Variants in H2BC5 observed in about 807,000 individuals in gnomAD.
H2BC5 encodes histone H2B type 1-D.
In H2BC5, 9 loss-of-function variants were observed where a neutral mutation model predicts 5.7. That is an observed-to-expected ratio of 1.57 (90% CI 0.95 to 2.74). The LOEUF is 2.74. Among genes scored for constraint, H2BC5 ranks in the 30% most tolerant of loss-of-function variants. The probability of loss-of-function intolerance (pLI) is 0.00; values close to 1 mark genes in which losing one functional copy is unlikely to be tolerated. For synonymous variants in H2BC5, 133 were observed against 70.9 expected (o/e 1.88, Z -4.40); for missense variants, 175 against 168.8 (o/e 1.04, Z -0.20).
At chr6:26,164,108 C>A (rs1033071486) in intron 1 of H2BC5, 2 of 454,222 alleles carry the variant, frequency 4.4e-6, no homozygotes, top group African/African-American at 4.0e-5. Flanking sequence ...ATTCCAAAGT[C>A]TTGAAGACTT....
In H2BC5 at chr6:26,158,446, A is replaced by G. The variant is rs1342361187; in HGVS notation, c.277A>G (p.Arg93Gly). Reference protein sequence around the residue: ...HYNKRSTITSREIQTAVRLLL... With the variant: ...HYNKRSTITSGEIQTAVRLLL... Reference sequence around the variant, plus strand: ...CAACAAGCGCTCGACCATCACCTCCAGGGAGATCCAGACGGCCGTGCGCCT... The same window carrying G: ...CAACAAGCGCTCGACCATCACCTCCGGGGAGATCCAGACGGCCGTGCGCCT... Residue 93 changes from arginine (R) to glycine (G), a missense_variant, in exon 1 of 1, where the codon AGG becomes GGG. By Grantham distance (125) the Arg-to-Gly change is moderately radical. Transcript: ENST00000377777. The G allele has an allele frequency of 6.2e-7, 1 of 1,614,246 alleles. No individual in the cohort carries two copies.
chr6:26,161,970 C>A (rs1253011707), downstream of H2BC5, among the ~76,000 whole-genome samples: 1 of 151,940 alleles, frequency 6.6e-6, no homozygotes, highest in African/African-American at 2.4e-5. Context: ...AAAATTGAAA[C>A]CTAATGTATT....
chr6:26,164,855 TTC>T (rs890822453), intron 1 of H2BC5, among the ~76,000 whole-genome samples: 83 of 152,046 alleles, frequency 5.5e-4, no homozygotes, highest in African/African-American at 1.9e-3. Flanking sequence ...CATCACCATG[TTC>T]TCTCTCTGCT....
At chr6:26,158,893 G>A (rs1053917217), downstream of H2BC5, among the ~76,000 whole-genome samples, 1 of 152,174 alleles carries the variant, frequency 6.6e-6, no homozygotes, top group African/African-American at 2.4e-5. Context: ...TCCGGGACTC[G>A]GTGTGGTGAC....
At chr6:26,161,820 T>C (rs1162433023), downstream of H2BC5, among the ~76,000 whole-genome samples, 1 of 152,046 alleles carries the variant, frequency 6.6e-6, no homozygotes, top group African/African-American at 2.4e-5. Flanking sequence ...AGTAGTAAAA[T>C]ATGATCTGAC....
chr6:26,158,571 T>G lies in H2BC5; in HGVS notation c.*21T>G. 1 of 1,612,558 alleles carries G rather than the reference T, an allele frequency of 6.2e-7. No individual in the cohort carries two copies. The highest frequency in any genetic ancestry group is 8.5e-7 in the Non-Finnish European group (1 of 1,179,368). ...AGTAACTTTGCCAAGTAAGCATCTT[T>G]ACACCTAATCCCAAAGGCTCTTTTA... On this transcript the variant is annotated 3_prime_UTR_variant, in exon 1 of 1. Coordinates refer to ENST00000377777, the MANE Select transcript of H2BC5 (RefSeq NM_021063.4).
Position 26,158,177 on chromosome 6 carries a change from A to C in H2BC5, c.8A>C (p.Glu3Ala), listed in dbSNP as rs747172498. The C allele has an allele frequency of 6.2e-7, 1 of 1,613,802 alleles. No homozygotes were observed. The highest frequency in any genetic ancestry group is 8.5e-7 in the Non-Finnish European group (1 of 1,179,910). ...CTAACTATTAACGCTACGATGCCTG[A>C]ACCTACCAAGTCTGCTCCTGCCCCA... MP[E>A]PTKSAPAPKK... Residue 3 changes from glutamate to alanine, a missense_variant, in exon 1 of 1, where the codon GAA becomes GCA. Coordinates refer to ENST00000377777, the MANE Select transcript of H2BC5 (RefSeq NM_021063.4).
At chr6:26,168,948 T>C (rs1764479444) in intron 1 of H2BC5, among the ~76,000 whole-genome samples, 1 of 152,132 alleles carries the variant, frequency 6.6e-6, no homozygotes, top group Admixed American at 6.6e-5. Flanking sequence ...TTGGGCCTTT[T>C]TAAAGAAAAC....
chr6:26,158,463 C>A lies in H2BC5; in HGVS notation c.294C>A (p.Ala98=), dbSNP rs147370243. The A allele has an allele frequency of 3.1e-6, 5 of 1,614,248 alleles. No homozygotes were observed. The highest frequency in any genetic ancestry group is 4.2e-6 in the Non-Finnish European group (5 of 1,180,044). Residue 98 remains alanine, a synonymous_variant, in exon 1 of 1, where the codon GCC becomes GCA. Transcript: ENST00000377777. ...STITSREIQT[A]VRLLLPGELA... ...TCACCTCCAGGGAGATCCAGACGGC[C>A]GTGCGCCTGCTGCTTCCGGGGGAGC...
At chr6:26,160,111 G>A (rs1764328302), downstream of H2BC5, among the ~76,000 whole-genome samples, 1 of 152,198 alleles carries the variant, frequency 6.6e-6, no homozygotes, top group South Asian at 2.1e-4. Context: ...TCTGAGCAGT[G>A]TAGATTCTAC....
rs1764265771 is a variant in H2BC5, at chr6:26,158,176, G to A, written c.7G>A (p.Glu3Lys). The A allele has an allele frequency of 6.2e-7, 1 of 1,613,642 alleles. No homozygotes were observed. The highest frequency in any genetic ancestry group is 1.3e-5 in the African/African-American group (1 of 74,868). MP[E>K]PTKSAPAPKK... ...TCTAACTATTAACGCTACGATGCCT[G>A]AACCTACCAAGTCTGCTCCTGCCCC... Residue 3 changes from glutamate (E) to lysine (K), a missense_variant, in exon 1 of 1, where the codon GAA (glutamate) becomes AAA (lysine). Glu to Lys is a moderately conservative substitution (Grantham distance 56, BLOSUM62 1). This residue lies in a region of H2BC5 where 119 missense variants were observed against 85.6 expected (regional missense o/e 1.39). Transcript: ENST00000377777.
chr6:26,160,024 A>G (rs1166395484), downstream of H2BC5, among the ~76,000 whole-genome samples: 1 of 152,200 alleles, frequency 6.6e-6, no homozygotes, highest in Non-Finnish European at 1.5e-5. Flanking sequence ...CTGTCATCTC[A>G]AGAGTAGAAG....
intron 1 of H2BC5, among the ~76,000 whole-genome samples, chr6:26,167,891 A>T (rs1262136239): frequency 6.6e-6 from 1 of 151,392 alleles, no homozygotes; most frequent in Non-Finnish European, 1.5e-5. Context: ...TTATTTATTT[A>T]TTTTTATTTT....
downstream of H2BC5, among the ~76,000 whole-genome samples, chr6:26,159,446 G>T (rs1336116747): frequency 2.0e-5 from 3 of 151,978 alleles, no homozygotes; most frequent in Non-Finnish European, 4.4e-5. Context: ...GGTAGAAAGG[G>T]AAAGAAAACC....
At chr6:26,167,049 CT>C (rs149341201) in intron 1 of H2BC5, among the ~76,000 whole-genome samples, 4,685 of 96,764 alleles carry the variant, frequency 0.048, 94 homozygotes, top group African/African-American at 0.15. Flanking sequence ...TTTGTTTTCT[CT>C]TTTTTTTTTT....
chr6:26,158,635 T>A, downstream of H2BC5: 3 of 1,559,116 alleles, frequency 1.9e-6, no homozygotes, highest in Non-Finnish European at 2.6e-6. Flanking sequence ...TTGTAATCAT[T>A]TCATTCAAAA....
downstream of H2BC5, among the ~76,000 whole-genome samples, chr6:26,161,669 G>A (rs1764353453): frequency 6.6e-6 from 1 of 152,120 alleles, no homozygotes; most frequent in Non-Finnish European, 1.5e-5. Context: ...CTACTCAGGA[G>A]GCTGAGGTGA....
At chr6:26,163,595 T>C (rs1399606055), downstream of H2BC5, 1 of 152,194 alleles carries the variant, frequency 6.6e-6, no homozygotes, top group Non-Finnish European at 1.5e-5. Flanking sequence ...AGCCGACTTT[T>C]GGGTGGAGGC....
chr6:26,165,760 C>A (rs534750202), intron 1 of H2BC5, among the ~76,000 whole-genome samples: 2 of 152,162 alleles, frequency 1.3e-5, no homozygotes, highest in East Asian at 1.9e-4. Context: ...TCTCATCCCC[C>A]CTCTGTAAGC....
Sources: gnomAD v4.1 joint callset for allele counts (sites outside exome capture counted in the v4.1 genomes callset) on GRCh38, gnomAD v4.1.1 for gene constraint, gnomAD v4.1.1 regional missense constraint, MANE v1.5 for transcripts, NCBI Gene and HGNC (gene_info 2026-07-23, HGNC 2026-07-21) for gene names.